Variants in MYO1D observed in about 807,000 individuals in gnomAD.
MYO1D encodes myosin ID.
A neutral mutation model predicts 122.0 loss-of-function variants in MYO1D; 83 were observed. The observed-to-expected ratio is 0.68, with a 90% CI of 0.57 to 0.82. The LOEUF is 0.82. Among genes scored for constraint, MYO1D ranks in the 40% least tolerant of loss-of-function variants. The pLI is 0.00. For synonymous variants in MYO1D, 464 were observed against 446.9 expected, an observed-to-expected ratio of 1.04 and a Z score of -0.48; for missense variants, 1,157 against 1,269.5, an observed-to-expected ratio of 0.91 and a Z score of 1.35.
chr17:32,534,874 C>T (rs1164284039), intron 21 of MYO1D, among the ~76,000 whole-genome samples: 1 of 152,180 alleles, frequency 6.6e-6, no homozygotes, highest in Non-Finnish European at 1.5e-5. Flanking sequence ...ATCTTAAAAA[C>T]CCCCAGCTGC....
intron 21 of MYO1D, among the ~76,000 whole-genome samples, chr17:32,543,578 A>ACAAC (rs1910918921): frequency 1.3e-5 from 2 of 150,034 alleles, no homozygotes; most frequent in African/African-American, 4.9e-5. Flanking sequence ...TGTCTCAAAA[A>ACAAC]CAAACAAATA....
In MYO1D at chr17:32,654,624, A is replaced by G. The variant is rs963017155; in HGVS notation, c.2346-3T>C. 6.3e-7 allele frequency: 1 copy of G among 1,599,188 alleles called. No homozygotes were observed. Among genetic ancestry groups the G allele is most frequent in the South Asian group, 1.1e-5 (1 of 88,712 alleles). ...TGATGAGCTGGGATGCTCTCCATCT[A>G]CAAGTAAATAGACAACATGTATTAG... On this transcript the variant is annotated splice_polypyrimidine_tract_variant and splice_region_variant and intron_variant, in intron 17 of 21. Transcript: ENST00000318217.
Position 32,553,106 on chromosome 17 carries a change from A to C in MYO1D, c.2864+51981T>G, listed in dbSNP as rs1031937273. 2.4e-3 allele frequency among the ~76,000 whole-genome samples: 364 copies of C among 151,354 alleles called. 2 individuals are homozygous for C. The highest frequency in any genetic ancestry group is 8.4e-3 in the African/African-American group (347 of 41,146). ...AAAAAAAAAACAAAAAACAAAACAA[A>C]AAAAAAAACAAAAAAACCAGCAGCA... On this transcript the variant is annotated intron_variant, in intron 21 of 21. Transcript: ENST00000318217.
chr17:32,717,457 C>T (rs2089462653), intron 15 of MYO1D, among the ~76,000 whole-genome samples: 1 of 152,130 alleles, frequency 6.6e-6, no homozygotes, highest in Non-Finnish European at 1.5e-5. Flanking sequence ...CTCAATGTTG[C>T]TTTTTTGCAT....
chr17:32,512,543 T>C (rs58677848), intron 21 of MYO1D, among the ~76,000 whole-genome samples: 5,670 of 152,304 alleles, frequency 0.037, 341 homozygotes, highest in African/African-American at 0.13. Flanking sequence ...CCTCTTAGGC[T>C]GTGTCCTGGC....
At chr17:32,529,511 T>C (rs1910446155) in intron 21 of MYO1D, 1 of 152,448 alleles carries the variant, frequency 6.6e-6, no homozygotes, top group Non-Finnish European at 1.5e-5. Flanking sequence ...TCCACAGGGG[T>C]AAACTCTATA....
At chr17:32,798,187 T>C (rs1378379242) in intron 1 of MYO1D, among the ~76,000 whole-genome samples, 6 of 152,170 alleles carry the variant, frequency 3.9e-5, no homozygotes, top group Admixed American at 3.9e-4. Context: ...TTGGGGTGAA[T>C]TAATAGCCAA....
chr17:32,642,185 G>A (rs2088211476), intron 19 of MYO1D, among the ~76,000 whole-genome samples: 1 of 152,274 alleles, frequency 6.6e-6, no homozygotes, highest in South Asian at 2.1e-4. Context: ...TGTTGAACAG[G>A]GAATCCTTTC....
At chr17:32,580,477 T>C (rs2087327038) in intron 21 of MYO1D, among the ~76,000 whole-genome samples, 1 of 145,764 alleles carries the variant, frequency 6.9e-6, no homozygotes, top group Non-Finnish European at 1.5e-5. Context: ...TGGTGCCATC[T>C]CAGCTCACTG....
intron 20 of MYO1D, chr17:32,632,341 T>A (rs2088019191): frequency 1.3e-5 from 2 of 152,026 alleles, no homozygotes; most frequent in Admixed American, 6.6e-5. Flanking sequence ...TTAAAGTTAG[T>A]TCATAATACT....
intron 14 of MYO1D, among the ~76,000 whole-genome samples, chr17:32,730,950 A>G (rs1222200907): frequency 7.7e-6 from 1 of 130,514 alleles, no homozygotes; most frequent in Non-Finnish European, 1.5e-5. Context: ...TCTGTCGCCC[A>G]GGCGGGAGTG....
chr17:32,726,575 T>C (rs1166061605), intron 14 of MYO1D, among the ~76,000 whole-genome samples: 1 of 149,502 alleles, frequency 6.7e-6, no homozygotes, highest in Non-Finnish European at 1.5e-5. Context: ...TAAATAGATA[T>C]ATATTATATC....
rs1309613685 is a variant in MYO1D at position 32,778,573 on chromosome 17, C to T, written c.305G>A (p.Gly102Glu). 7 of 1,612,682 alleles carry T rather than the reference C, an allele frequency of 4.3e-6. No homozygotes were observed. The highest frequency in any genetic ancestry group is 5.9e-6 in the Non-Finnish European group (7 of 1,178,784). ...RSKDTCIVIS[G>E]ESGAGKTEAS... ...TTCCGTTTTACCAGCTCCACTTTCC[C>T]CTGGGGGGAAAAATTGTTCAGGGCT... Residue 102 changes from glycine (G) to glutamate (E), a missense_variant and splice_region_variant, in exon 3 of 22, where the codon GGG (glycine) becomes GAG (glutamate). By Grantham distance (98) the Gly-to-Glu change is moderately conservative (BLOSUM62 -2). Coordinates refer to ENST00000318217, the MANE Select transcript of MYO1D (RefSeq NM_015194.3).
At chr17:32,643,165 C>T (rs2088229514) in intron 19 of MYO1D, among the ~76,000 whole-genome samples, 1 of 152,104 alleles carries the variant, frequency 6.6e-6, no homozygotes, top group Admixed American at 6.6e-5. Context: ...GCCTTTTCTG[C>T]ATCTATTGAG....
rs749819200 is a variant in MYO1D at position 32,563,204 on chromosome 17, C to CTTTTTTT, written c.2864+41882_2864+41883insAAAAAAA. Among the ~76,000 whole-genome samples, 178 of 105,102 alleles carry CTTTTTTT rather than the reference C, an allele frequency of 1.7e-3. 3 individuals carry two copies. Among genetic ancestry groups the CTTTTTTT allele is most frequent in the Non-Finnish European group, 2.1e-3 (114 of 55,098 alleles). 69.0% of individuals were successfully genotyped at this position (105,102 alleles called of 152,430 possible). A position where few individuals can be genotyped will look rare whatever the true frequency, so the allele number is the denominator to read the frequency against. Reference sequence around the variant, plus strand: ...GCAATTACAGCTCTTTTTTTCTTCTCTCTTTTTTTTTTTTTTTTTTTTTGA... The same window carrying CTTTTTTT: ...GCAATTACAGCTCTTTTTTTCTTCTCTTTTTTTTCTTTTTTTTTTTTTTTTTTTTTGA... On this transcript the variant is annotated intron_variant, in intron 21 of 21. Coordinates refer to ENST00000318217, the MANE Select transcript of MYO1D (RefSeq NM_015194.3).
At chr17:32,842,361 C>G (rs1353319947) in intron 1 of MYO1D, among the ~76,000 whole-genome samples, 1 of 150,880 alleles carries the variant, frequency 6.6e-6, no homozygotes, top group Non-Finnish European at 1.5e-5. Flanking sequence ...GACAGTTAAT[C>G]CCAGCAGTGC....
chr17:32,659,791 A>G (rs1410169919), intron 16 of MYO1D, among the ~76,000 whole-genome samples: 1 of 152,182 alleles, frequency 6.6e-6, no homozygotes. Flanking sequence ...GGATTTACAA[A>G]CTGATTTACA....
chr17:32,562,577 G>A (rs7208572), intron 21 of MYO1D, among the ~76,000 whole-genome samples: 40,476 of 151,784 alleles, frequency 0.27, 6,296 homozygotes, highest in African/African-American at 0.43. Context: ...TGACCTCCTG[G>A]GCTCAAGTGA....
chr17:32,747,561 G>A (rs1466019729), intron 12 of MYO1D, among the ~76,000 whole-genome samples: 3 of 152,240 alleles, frequency 2.0e-5, no homozygotes, highest in Admixed American at 6.5e-5. Context: ...GAGCGGCCAG[G>A]CTCGGTGGCT....
Sources: allele counts gnomAD v4.1 joint callset (sites outside exome capture counted in the v4.1 genomes callset), GRCh38; gene constraint gnomAD v4.1.1; transcripts MANE v1.5; gene names NCBI Gene and HGNC (gene_info 2026-07-23, HGNC 2026-07-21).